BRD10: variants seen among roughly 807,000 people sequenced by gnomAD.
BRD10 encodes uncharacterized bromodomain-containing protein 10.
chr9:5,917,799 G>A, the BRD10 span, among the ~76,000 whole-genome samples: 28,161 of 152,202 alleles, frequency 0.19, 2,777 homozygotes, highest in Middle Eastern at 0.29. Flanking sequence ...GTTGCAGTGA[G>A]CTGAGATAGC....
the BRD10 span, among the ~76,000 whole-genome samples, chr9:5,985,848 G>A: frequency 6.6e-6 from 1 of 151,934 alleles, no homozygotes; most frequent in Admixed American, 6.6e-5. Flanking sequence ...ATGGGAATGA[G>A]AAACAAAAAA....
chr9:5,918,539 A>G, the BRD10 span, among the ~76,000 whole-genome samples: 1 of 152,060 alleles, frequency 6.6e-6, no homozygotes, highest in Non-Finnish European at 1.5e-5. Flanking sequence ...ACATGGTGAA[A>G]CCATCTCTAC....
At chr9:5,957,373 T>G in the BRD10 span, among the ~76,000 whole-genome samples, 1 of 152,152 alleles carries the variant, frequency 6.6e-6, no homozygotes, top group African/African-American at 2.4e-5. Context: ...TAAGTTACCA[T>G]TTATTGATTC....
chr9:5,903,415 T>C, the BRD10 span, among the ~76,000 whole-genome samples: 1 of 152,246 alleles, frequency 6.6e-6, no homozygotes, highest in African/African-American at 2.4e-5. Context: ...GATTTGCTAA[T>C]ATGTTGTTGA....
chr9:5,923,411 A>G, the BRD10 span: 1 of 889,858 alleles, frequency 1.1e-6, no homozygotes, highest in Non-Finnish European at 1.7e-6. Flanking sequence ...CTGGCAGTGT[A>G]TTAAGAAATC....
At chr9:6,008,387 G>A in the BRD10 span, 1 of 780,334 alleles carries the variant, frequency 1.3e-6, no homozygotes, top group Non-Finnish European at 1.6e-6. Flanking sequence ...GGAGGGGCAG[G>A]GAGAGAAGGG....
chr9:5,985,931 A>C, the BRD10 span, among the ~76,000 whole-genome samples: 13 of 152,176 alleles, frequency 8.5e-5, no homozygotes, highest in Admixed American at 7.9e-4. Context: ...TCTTTAAAAA[A>C]AAATTGTTGG....
the BRD10 span, among the ~76,000 whole-genome samples, chr9:5,949,505 T>C: frequency 2.2e-3 from 335 of 152,336 alleles, 1 homozygote; most frequent in African/African-American, 7.7e-3. Flanking sequence ...TTCAGAGGTA[T>C]GTTAAGGATC....
the BRD10 span, among the ~76,000 whole-genome samples, chr9:5,930,957 T>G: frequency 6.6e-6 from 1 of 152,232 alleles, no homozygotes; most frequent in Admixed American, 6.5e-5. Flanking sequence ...ATTCTTCCAC[T>G]TCTCAACTAT....
the BRD10 span, among the ~76,000 whole-genome samples, chr9:5,982,661 G>A: frequency 6.6e-6 from 1 of 152,184 alleles, no homozygotes; most frequent in African/African-American, 2.4e-5. Context: ...CACATCCTCT[G>A]TAACTGTAAA....
chr9:5,906,145 G>C, the BRD10 span, among the ~76,000 whole-genome samples: 2 of 150,500 alleles, frequency 1.3e-5, no homozygotes, highest in Non-Finnish European at 3.0e-5. Flanking sequence ...GAGCTCAGGA[G>C]TTTAAGACCA....
chr9:5,937,005 G>C, the BRD10 span, among the ~76,000 whole-genome samples: 2 of 152,174 alleles, frequency 1.3e-5, no homozygotes, highest in Non-Finnish European at 2.9e-5. Context: ...GCTGAGGTGG[G>C]TGGATCACAA....
chr9:5,953,735 T>C, the BRD10 span, among the ~76,000 whole-genome samples: 29,500 of 151,536 alleles, frequency 0.19, 3,065 homozygotes, highest in Middle Eastern at 0.29. Context: ...TATATATATA[T>C]TATTTCTATT....
At chr9:5,968,526 A>G in the BRD10 span, 1 of 1,613,204 alleles carries the variant, frequency 6.2e-7, no homozygotes, top group Non-Finnish European at 8.5e-7. Flanking sequence ...CTAATTTCAT[A>G]GTTGGATTTT....
chr9:5,924,805 G>T, the BRD10 span: 3 of 1,546,014 alleles, frequency 1.9e-6, no homozygotes, highest in Non-Finnish European at 2.6e-6. Flanking sequence ...TCATGATCAG[G>T]TTGTCTTCTG....
At chr9:5,895,841 T>C in the BRD10 span, among the ~76,000 whole-genome samples, 25 of 152,216 alleles carry the variant, frequency 1.6e-4, no homozygotes, top group African/African-American at 5.1e-4. Context: ...CCCTGGTGCT[T>C]TTCGCTCTCA....
chr9:5,928,972 C>T, the BRD10 span: 3 of 777,232 alleles, frequency 3.9e-6, no homozygotes, highest in East Asian at 2.6e-5. Flanking sequence ...CTAAATGATT[C>T]CAGGACATCA....
chr9:5,924,440 G>A, the BRD10 span, among the ~76,000 whole-genome samples: 1 of 152,026 alleles, frequency 6.6e-6, no homozygotes, highest in African/African-American at 2.4e-5. Context: ...CACCATGCCT[G>A]GCTAATTTTT....
the BRD10 span, chr9:5,924,635 TA>T: frequency 4.0e-4 from 556 of 1,402,810 alleles, no homozygotes; most frequent in South Asian, 1.4e-3. Context: ...AGTGTTGACT[TA>T]AAAAAAAAGT....
Sources: gnomAD v4.1 joint callset for allele counts (sites outside exome capture counted in the v4.1 genomes callset) on GRCh38, gnomAD v4.1.1 for gene constraint, MANE v1.5 for transcripts, NCBI Gene and HGNC (gene_info 2026-07-23, HGNC 2026-07-21) for gene names.